The following PUM3 variants were observed in gnomAD, a reference collection of about 807,000 sequenced individuals.
PUM3 encodes the protein pumilio RNA binding family member 3, also known as pumilio homolog 3.
A neutral mutation model predicts 84.0 loss-of-function variants in PUM3; 91 were observed. The ratio of observed to expected loss-of-function variants is 1.08; its 90% CI spans 0.91 to 1.29. PUM3 has a LOEUF of 1.29. PUM3 is among the 50% of genes most tolerant of loss of function. The pLI is 0.00. For synonymous variants in PUM3, 321 were observed against 266.7 expected, an observed-to-expected ratio of 1.20 and a Z score of -1.98; for missense variants, 1,067 against 767.5, an observed-to-expected ratio of 1.39 and a Z score of -4.61.
In PUM3 at chr9:2,837,474, T is replaced by C. The variant is rs895460163; in HGVS notation, c.83-73A>G. The C allele has an allele frequency of 1.0e-5, 10 of 977,020 alleles. No individual in the cohort carries two copies. In the African/African-American group the frequency reaches 1.5e-4, roughly 14 times the overall value. 60.5% of individuals were successfully genotyped at this position (977,020 alleles called of 1,614,324 possible). ...CTTTTATCTATTGGATTATATCCAT[T>C]ACAGAAAATTATACTTTTTAATCCC... On this transcript the variant is annotated intron_variant, in intron 2 of 17. Transcript: ENST00000397885.
Position 2,838,485 on chromosome 9 carries a change from T to C in PUM3, c.23A>G (p.Gln8Arg), listed in dbSNP as rs762566946. MEVKGKK[Q>R]FTGKSTKTAQ... ...TGTCTTTGTACTCTTTCCTGTGAAT[T>C]GCTTTTTCCCTTTAACTTCCATCGT... is the stretch of plus-strand genomic sequence containing the variant. Residue 8 changes from glutamine to arginine, a missense_variant, in exon 2 of 18, where the codon CAA becomes CGA. Coordinates refer to ENST00000397885, the MANE Select transcript of PUM3 (RefSeq NM_014878.5). 14 of 1,613,652 alleles carry C rather than the reference T, an allele frequency of 8.7e-6. No individual in the cohort carries two copies. The highest frequency in any genetic ancestry group is 1.2e-5 in the Non-Finnish European group (14 of 1,179,646).
intron 8 of PUM3, 150 bp from the exon 9 acceptor site, chr9:2,828,928 G>A (rs1242629667): frequency 1.6e-6 from 1 of 641,446 alleles, no homozygotes; most frequent in Non-Finnish European, 2.7e-6. Context: ...GTATATCCTT[G>A]TGGAGTAACC....
chr9:2,835,129 G>A (rs964194835), intron 3 of PUM3, among the ~76,000 whole-genome samples: 2 of 151,898 alleles, frequency 1.3e-5, no homozygotes, highest in East Asian at 3.9e-4. Flanking sequence ...AACTCAAAAA[G>A]TGGCCAGCTG....
chr9:2,822,690 T>G (rs1815685274), intron 12 of PUM3, among the ~76,000 whole-genome samples: 1 of 148,454 alleles, frequency 6.7e-6, no homozygotes, highest in Admixed American at 6.8e-5. Context: ...TAATATTGAA[T>G]TATGAATTAT....
chr9:2,823,090 T>C (rs980992590), intron 12 of PUM3, among the ~76,000 whole-genome samples: 9 of 151,942 alleles, frequency 5.9e-5, no homozygotes, highest in African/African-American at 2.2e-4. Context: ...ATCAAATATA[T>C]AAAGTATAAC....
At chr9:2,831,905 G>A (rs951081683) in intron 5 of PUM3, among the ~76,000 whole-genome samples, 1 of 152,108 alleles carries the variant, frequency 6.6e-6, no homozygotes, top group Non-Finnish European at 1.5e-5. Flanking sequence ...CATATATCCA[G>A]TTATATTTCT....
chr9:2,805,527 C>G (rs1025542453), intron 17 of PUM3, among the ~76,000 whole-genome samples: 2 of 152,158 alleles, frequency 1.3e-5, no homozygotes, highest in Non-Finnish European at 2.9e-5. Context: ...ATTATCAGCA[C>G]CAAGCAATAT....
chr9:2,841,149 T>C (rs975432300), intron 1 of PUM3, among the ~76,000 whole-genome samples: 16 of 152,126 alleles, frequency 1.1e-4, no homozygotes, highest in African/African-American at 3.9e-4. Flanking sequence ...CCATCTACAA[T>C]TTATTTATAC....
At chr9:2,841,714 CAAA>C (rs766046609) in intron 1 of PUM3, among the ~76,000 whole-genome samples, 1 of 98,438 alleles carries the variant, frequency 1.0e-5, no homozygotes, top group African/African-American at 3.6e-5. Context: ...TGCTGCAGGC[CAAA>C]AAAAAAAAAA....
At chr9:2,821,157 G>C (rs769180539) in intron 12 of PUM3, among the ~76,000 whole-genome samples, 1 of 152,046 alleles carries the variant, frequency 6.6e-6, no homozygotes, top group Non-Finnish European at 1.5e-5. Flanking sequence ...AACTAAAAAT[G>C]GGCAAAGCCA....
chr9:2,804,285 C>G lies in PUM3; in HGVS notation c.*46G>C. On this transcript the variant is annotated 3_prime_UTR_variant, in exon 18 of 18. Coordinates refer to ENST00000397885, the MANE Select transcript of PUM3 (RefSeq NM_014878.5). ...TTCTTTTCTGCATTGGGAAACAGAA[C>G]AGAGAACAGAAAAAATCATTCCATC... 3.1e-6 allele frequency: 5 copies of G among 1,593,778 alleles called. No individual in the cohort carries two copies. Among genetic ancestry groups the G allele is most frequent in the Non-Finnish European group, 4.3e-6 (5 of 1,169,852 alleles).
intron 3 of PUM3, among the ~76,000 whole-genome samples, chr9:2,836,870 C>T (rs1816136002): frequency 6.6e-6 from 1 of 151,972 alleles, no homozygotes; most frequent in Admixed American, 6.6e-5. Context: ...CTCAAATACT[C>T]GTTCGATGAA....
chr9:2,810,782 AG>A (rs1203827935), intron 15 of PUM3, among the ~76,000 whole-genome samples: 1 of 152,236 alleles, frequency 6.6e-6, no homozygotes, highest in East Asian at 1.9e-4. Flanking sequence ...ATAAACCTAC[AG>A]GACAGAACAC....
chr9:2,804,457 G>T lies in PUM3; in HGVS notation c.1821C>A (p.Leu607=), dbSNP rs185710507. 5.0e-6 allele frequency: 8 copies of T among 1,613,092 alleles called. No homozygotes were observed. The highest frequency in any genetic ancestry group is 6.8e-6 in the Non-Finnish European group (8 of 1,179,718). Residue 607 remains leucine (L), a synonymous_variant, in exon 18 of 18, where the codon CTC becomes CTA. Coordinates refer to ENST00000397885, the MANE Select transcript of PUM3 (RefSeq NM_014878.5). The stretch of plus-strand genomic sequence containing the variant: ...TTGCAACTTCCAGGTCACAACTCTG[G>T]AGGAGGCTGAAGAGAGGAAAAAAAT... ...NRGAIILSSL[L]QSCDLEVANK...
rs1383937771 is a variant in PUM3, at chr9:2,806,839, GA to G, written c.1814+974del. Among the ~76,000 whole-genome samples, 4 of 152,058 alleles carry G rather than the reference GA, an allele frequency of 2.6e-5. No homozygotes were observed. The East Asian group carries it at 5.8e-4, about 22-fold the overall frequency. Reference sequence around the variant, plus strand: ...TTTACAATCTTTTAAAACAATGAAGGAAATTACATGTAGAATTAGGCATGAT... The same window carrying G: ...TTTACAATCTTTTAAAACAATGAAGGAATTACATGTAGAATTAGGCATGAT... On this transcript the variant is annotated intron_variant, in intron 17 of 17. Transcript: ENST00000397885.
intron 1 of PUM3, among the ~76,000 whole-genome samples, chr9:2,841,223 A>G (rs1324354062): frequency 3.3e-5 from 5 of 152,238 alleles, no homozygotes; most frequent in African/African-American, 1.2e-4. Flanking sequence ...CGTGAGAAAT[A>G]AATTTACAAT....
chr9:2,835,917 TG>T (rs1816107808), intron 3 of PUM3, among the ~76,000 whole-genome samples: 1 of 152,182 alleles, frequency 6.6e-6, no homozygotes, highest in Non-Finnish European at 1.5e-5. Context: ...AATGTATATG[TG>T]TTTAAAATGC....
intron 16 of PUM3, among the ~76,000 whole-genome samples, chr9:2,809,077 C>T (rs117983281): frequency 0.015 from 2,316 of 152,258 alleles, 28 homozygotes; most frequent in Non-Finnish European, 0.025. Context: ...AAAGTGGACA[C>T]TCCAACCACA....
chr9:2,817,322 C>T (rs765978546), intron 13 of PUM3, among the ~76,000 whole-genome samples: 4 of 152,070 alleles, frequency 2.6e-5, no homozygotes, highest in Non-Finnish European at 4.4e-5. Context: ...TCAAATTCAG[C>T]CTATAGCCTG....
Sources: gnomAD v4.1 joint callset for allele counts (sites outside exome capture counted in the v4.1 genomes callset) on GRCh38, gnomAD v4.1.1 for gene constraint, MANE v1.5 for transcripts, NCBI Gene and HGNC (gene_info 2026-07-23, HGNC 2026-07-21) for gene names.